The following CHAF1B variants were observed in gnomAD, a reference collection of about 807,000 sequenced individuals.
CHAF1B encodes the protein CAF-1 subunit B.
A neutral mutation model predicts 60.7 loss-of-function variants in CHAF1B; 10 were observed. That is an observed-to-expected ratio of 0.16 (90% CI 0.10 to 0.28). CHAF1B has a LOEUF of 0.28. CHAF1B is among the 10% of genes least tolerant of loss of function. The pLI is 1.00. For missense variants in CHAF1B, 558 were observed against 708.4 expected, an observed-to-expected ratio of 0.79 and a Z score of 2.41; for synonymous variants, 261 against 266.1, an observed-to-expected ratio of 0.98 and a Z score of 0.19.
At chr21:36,395,577 G>A (rs773827257) in intron 5 of CHAF1B, among the ~76,000 whole-genome samples, 5 of 152,138 alleles carry the variant, frequency 3.3e-5, no homozygotes, top group Admixed American at 6.5e-5. Context: ...TTAGGATCTC[G>A]GGAAGATTAA....
intron 4 of CHAF1B, among the ~76,000 whole-genome samples, chr21:36,393,446 C>CTT (rs748789062): frequency 2.9e-4 from 33 of 115,092 alleles, no homozygotes; most frequent in African/African-American, 3.7e-4. Context: ...TACAGCTATC[C>CTT]TTTTTTTTTT....
intron 4 of CHAF1B, among the ~76,000 whole-genome samples, chr21:36,393,184 C>A (rs900541230): frequency 6.6e-6 from 1 of 152,088 alleles, no homozygotes; most frequent in Admixed American, 6.5e-5. Context: ...CTCGGCTTGG[C>A]ATCAGAGGGA....
intron 4 of CHAF1B, among the ~76,000 whole-genome samples, 170 bp from the exon 5 acceptor site, chr21:36,394,376 AT>A: frequency 6.6e-6 from 1 of 151,612 alleles, no homozygotes; most frequent in South Asian, 2.1e-4. Context: ...CACCTGGCTG[AT>A]TTTTGTATTT....
At chr21:36,389,796 T>TGCGCGCGC (rs1263503885) in intron 3 of CHAF1B, among the ~76,000 whole-genome samples, 2 of 109,656 alleles carry the variant, frequency 1.8e-5, no homozygotes, top group African/African-American at 9.9e-5. Flanking sequence ...TGTGTGTGTG[T>TGCGCGCGC]GTGTGCGCGC....
In CHAF1B at chr21:36,400,852, C is replaced by T. The variant is rs552782034; in HGVS notation, c.663+1247C>T. On this transcript the variant is annotated intron_variant, in intron 7 of 13. Transcript: ENST00000314103. ...GGCTACCGAGGCAGGCAGCGAGGTG[C>T]GGGGAGCAAGCTGGTTACTGGCTTC... is the stretch of plus-strand genomic sequence containing the variant. 4.6e-5 allele frequency among the ~76,000 whole-genome samples: 7 copies of T among 152,258 alleles called. No homozygotes were observed. The South Asian group carries it at 1.4e-3, about 32-fold the overall frequency.
At chr21:36,407,087 A>G (rs1458971716) in intron 8 of CHAF1B, among the ~76,000 whole-genome samples, 3 of 152,142 alleles carry the variant, frequency 2.0e-5, no homozygotes, top group Non-Finnish European at 2.9e-5. Context: ...GGATCACCTG[A>G]GGTCTGGAGT....
At chr21:36,404,299 C>T (rs2086217505) in intron 8 of CHAF1B, among the ~76,000 whole-genome samples, 2 of 150,784 alleles carry the variant, frequency 1.3e-5, no homozygotes, top group Admixed American at 1.3e-4. Flanking sequence ...CGGGGTTTCA[C>T]CATGTTGGTC....
chr21:36,387,057 G>C (rs908914502), intron 2 of CHAF1B, among the ~76,000 whole-genome samples: 7 of 152,024 alleles, frequency 4.6e-5, no homozygotes, highest in African/African-American at 1.7e-4. Flanking sequence ...ATTGTAACTG[G>C]ACGTTCATTG....
intron 6 of CHAF1B, 61 bp from the exon 7 acceptor site, chr21:36,399,460 T>C: frequency 2.1e-6 from 3 of 1,450,572 alleles, no homozygotes; most frequent in Non-Finnish European, 2.9e-6. Context: ...TAATAAGTTG[T>C]TTCTGTGTGA....
At chr21:36,404,399 CTTT>C (rs568032202) in intron 8 of CHAF1B, among the ~76,000 whole-genome samples, 1 of 136,240 alleles carries the variant, frequency 7.3e-6, no homozygotes, top group Admixed American at 7.4e-5. Context: ...ACGCCCGGCC[CTTT>C]TTTTTTTTTT....
intron 8 of CHAF1B, among the ~76,000 whole-genome samples, chr21:36,403,445 A>C (rs1428352190): frequency 2.4e-5 from 3 of 126,050 alleles, no homozygotes; most frequent in Non-Finnish European, 4.8e-5. Context: ...CGACAGAGTG[A>C]TATCTTATCT....
chr21:36,395,790 C>T (rs1238539689), intron 5 of CHAF1B, among the ~76,000 whole-genome samples: 1 of 152,138 alleles, frequency 6.6e-6, no homozygotes, highest in Non-Finnish European at 1.5e-5. Flanking sequence ...CATTTTTATC[C>T]CCTGCCATCC....
rs1168701003 is a variant in CHAF1B at position 36,397,480 on chromosome 21, G to A, written c.547G>A (p.Gly183Ser). ...CCAAGGAGTAACCTGGGACCCTTTG[G>A]GTCAATATGTTGCTACTCTGAGCTG... is the stretch of plus-strand genomic sequence containing the variant. ...YVQGVTWDPL[G>S]QYVATLSCDR... Residue 183 changes from glycine to serine, a missense_variant, in exon 6 of 14, where the codon GGT becomes AGT. Coordinates refer to ENST00000314103, the MANE Select transcript of CHAF1B (RefSeq NM_005441.3). The A allele has an allele frequency of 2.6e-6, 4 of 1,562,078 alleles. No homozygotes were observed. Among genetic ancestry groups the A allele is most frequent in the South Asian group, 1.2e-5 (1 of 84,654 alleles).
intron 5 of CHAF1B, among the ~76,000 whole-genome samples, chr21:36,396,263 G>A (rs1292590205): frequency 6.8e-6 from 1 of 147,398 alleles, no homozygotes; most frequent in African/African-American, 2.5e-5. Context: ...GCCTCCCAAA[G>A]TGCTGGGATT....
intron 6 of CHAF1B, among the ~76,000 whole-genome samples, chr21:36,398,467 C>G (rs1486922610): frequency 6.6e-6 from 1 of 152,168 alleles, no homozygotes; most frequent in Non-Finnish European, 1.5e-5. Flanking sequence ...TCAAGCGATT[C>G]TCCTGCCTCA....
At position 36,412,641 on chromosome 21, in the gene CHAF1B, C is replaced by T. The variant is rs565070140; in HGVS notation, c.1062-243C>T. 33 of 467,306 alleles carry T rather than the reference C, an allele frequency of 7.1e-5. 1 individual carries two copies. The highest frequency in any genetic ancestry group is 3.8e-4 in the South Asian group (17 of 44,386). The allele number at this position is 467,306 out of a possible 1,614,324, so 28.9% of individuals were successfully genotyped here. A position where few individuals can be genotyped will look rare whatever the true frequency, so the allele number is the denominator to read the frequency against. ...CCTCCCAAAGTGCTGGGATTACAGG[C>T]GTGAGCCACCGCACCCGGCCTATTC... is the stretch of plus-strand genomic sequence containing the variant. On this transcript the variant is annotated intron_variant, in intron 11 of 13. Coordinates refer to ENST00000314103, the MANE Select transcript of CHAF1B (RefSeq NM_005441.3).
At position 36,387,745 on chromosome 21, in the gene CHAF1B, C is replaced by T; in HGVS notation, c.259+15C>T. The T allele has an allele frequency of 6.2e-7, 1 of 1,613,408 alleles. No individual in the cohort carries two copies. Among genetic ancestry groups the T allele is most frequent in the Non-Finnish European group, 8.5e-7 (1 of 1,179,758 alleles). ...GGGAGGAGATGGTGAGTATTGCTGTCCTTCAGAGATTCTTCGGGAACCAGA... is the reference window on the plus strand; with the variant it reads ...GGGAGGAGATGGTGAGTATTGCTGTTCTTCAGAGATTCTTCGGGAACCAGA... On this transcript the variant is annotated intron_variant, in intron 3 of 13. Transcript: ENST00000314103.
At chr21:36,387,843 A>C in intron 3 of CHAF1B, 113 bp downstream of exon 3, 1 of 1,274,288 alleles carries the variant, frequency 7.8e-7, no homozygotes, top group East Asian at 2.3e-5. Flanking sequence ...TTTGAGATAG[A>C]GTTTCACTCT....
intron 7 of CHAF1B, among the ~76,000 whole-genome samples, chr21:36,400,982 T>C (rs1202366219): frequency 6.6e-6 from 1 of 151,886 alleles, no homozygotes; most frequent in Non-Finnish European, 1.5e-5. Context: ...AGAATAGTAA[T>C]GCTTCCCGGG....
Sources: allele counts gnomAD v4.1 joint callset (sites outside exome capture counted in the v4.1 genomes callset), GRCh38; gene constraint gnomAD v4.1.1; transcripts MANE v1.5; gene names NCBI Gene and HGNC (gene_info 2026-07-23, HGNC 2026-07-21).